GNAZ: variants seen among roughly 807,000 people sequenced by gnomAD.
GNAZ encodes the protein G protein subunit alpha z.
Under a neutral mutation model 25.4 loss-of-function variants are expected in GNAZ, and 3 were observed. The observed-to-expected ratio is 0.12, with a 90% CI of 0.05 to 0.30. The LOEUF is 0.30. GNAZ is among the 10% of genes least tolerant of loss of function. GNAZ has a pLI of 1.00. For synonymous variants in GNAZ, 211 were observed against 205.7 expected (o/e 1.03, Z -0.22); for missense variants, 241 against 501.8 (o/e 0.48, Z 4.97).
intron 2 of GNAZ, among the ~76,000 whole-genome samples, chr22:23,110,783 C>G (rs1051267755): frequency 4.6e-4 from 70 of 152,194 alleles, no homozygotes; most frequent in Admixed American, 3.3e-4. Context: ...GAGGAAGCAG[C>G]TGGCCTGGGA....
Position 23,123,353 on chromosome 22 carries a change from C to T in GNAZ, c.990C>T (p.Thr330=), listed in dbSNP as rs1021647434. 2 of 1,613,948 alleles carry T rather than the reference C, an allele frequency of 1.2e-6. No individual in the cohort carries two copies. Among genetic ancestry groups the T allele is most frequent in the Non-Finnish European group, 8.5e-7 (1 of 1,179,968 alleles). Residue 330 remains threonine (T), a synonymous_variant, in exon 3 of 3, where the codon ACC becomes ACT. Transcript: ENST00000615612. ...IYSHFTCATD[T]SNIQFVFDAV... The stretch of plus-strand genomic sequence containing the variant: ...CCCACTTCACCTGCGCCACCGACAC[C>T]AGTAACATCCAGTTTGTCTTCGACG...
chr22:23,092,282 A>ACTGT (rs2069001544), intron 1 of GNAZ, among the ~76,000 whole-genome samples: 1 of 152,160 alleles, frequency 6.6e-6, no homozygotes, highest in Non-Finnish European at 1.5e-5. Flanking sequence ...AATAGGTGGG[A>ACTGT]CTGTCATAAG....
Position 23,123,658 on chromosome 22 carries a change from TG to T in GNAZ, c.*229del. 1.8e-6 allele frequency: 1 copy of T among 561,036 alleles called. No individual in the cohort carries two copies. 34.8% of individuals were successfully genotyped at this position (561,036 alleles called of 1,614,324 possible). Reference sequence around the variant, plus strand: ...ACATGCACACACACACATCTGGAGATGGCAAAATCCTCTAAAATGTCGAGGT... The same window carrying T: ...ACATGCACACACACACATCTGGAGATGCAAAATCCTCTAAAATGTCGAGGT... On this transcript the variant is annotated 3_prime_UTR_variant, in exon 3 of 3. Transcript: ENST00000615612.
intron 1 of GNAZ, among the ~76,000 whole-genome samples, chr22:23,077,114 G>A (rs770181428): frequency 9.9e-5 from 15 of 152,154 alleles, no homozygotes; most frequent in African/African-American, 2.7e-4. Flanking sequence ...CAGCGGGCAC[G>A]GGAGGCAGGA....
At chr22:23,102,609 A>C (rs885962) in intron 2 of GNAZ, among the ~76,000 whole-genome samples, 37,035 of 152,154 alleles carry the variant, frequency 0.24, 4,777 homozygotes, top group East Asian at 0.35. Context: ...GGCTGCCCCC[A>C]CACCTGCTCT....
chr22:23,072,757 G>C (rs997076668), intron 1 of GNAZ, among the ~76,000 whole-genome samples: 1 of 152,222 alleles, frequency 6.6e-6, no homozygotes, highest in Non-Finnish European at 1.5e-5. Context: ...TTGGGACACA[G>C]GGAATGGATT....
chr22:23,122,351 T>C (rs2070055445), intron 2 of GNAZ: 1 of 152,498 alleles, frequency 6.6e-6, no homozygotes, highest in Non-Finnish European at 1.5e-5. Context: ...CACACTCCTG[T>C]CCTCTGCATG....
At chr22:23,077,993 T>C (rs2068553201) in intron 1 of GNAZ, among the ~76,000 whole-genome samples, 1 of 152,186 alleles carries the variant, frequency 6.6e-6, no homozygotes, top group Non-Finnish European at 1.5e-5. Context: ...CTGCATGGCA[T>C]GTCCCTCTGG....
At chr22:23,091,061 T>A (rs1010187703) in intron 1 of GNAZ, among the ~76,000 whole-genome samples, 4 of 152,186 alleles carry the variant, frequency 2.6e-5, no homozygotes, top group Non-Finnish European at 5.9e-5. Context: ...GGATGCCACA[T>A]GCAACCACAT....
In GNAZ at chr22:23,123,711, A is replaced by G. The variant is rs1222483235; in HGVS notation, c.*280A>G. On this transcript the variant is annotated 3_prime_UTR_variant, in exon 3 of 3. Coordinates refer to ENST00000615612, the MANE Select transcript of GNAZ (RefSeq NM_002073.4). The stretch of plus-strand genomic sequence containing the variant: ...TCTTGAAGACTTGAGAAGCTGTCAC[A>G]AGGTCACTACAAGCCCAACCTGCCC... 6.5e-6 allele frequency: 3 copies of G among 460,224 alleles called. No individual in the cohort carries two copies. The highest frequency in any genetic ancestry group is 1.2e-5 in the Non-Finnish European group (3 of 253,246). The allele number at this position is 460,224 out of a possible 1,614,324, so 28.5% of individuals were successfully genotyped here. A position where few individuals can be genotyped will look rare whatever the true frequency, so the allele number is the denominator to read the frequency against.
rs532956455 is a variant in GNAZ, at chr22:23,105,148, C to T, written c.723+8730C>T. ...GGCCTTGTATCCTAAGGTTCCCAGCCCAGGCCGGCCACGGCCACAGCCCCA... is the reference window on the plus strand; with the variant it reads ...GGCCTTGTATCCTAAGGTTCCCAGCTCAGGCCGGCCACGGCCACAGCCCCA... On this transcript the variant is annotated intron_variant, in intron 2 of 2. Coordinates refer to ENST00000615612, the MANE Select transcript of GNAZ (RefSeq NM_002073.4). Among the ~76,000 whole-genome samples the T allele has an allele frequency of 3.3e-5, 5 of 152,270 alleles. No homozygotes were observed. The South Asian group carries it at 1.0e-3, about 32-fold the overall frequency.
chr22:23,106,792 A>G (rs2069493460), intron 2 of GNAZ, among the ~76,000 whole-genome samples: 1 of 152,218 alleles, frequency 6.6e-6, no homozygotes, highest in Admixed American at 6.5e-5. Context: ...CAGATGAGGA[A>G]ACTCGGGTTT....
At chr22:23,118,539 G>C (rs75093206) in intron 2 of GNAZ, among the ~76,000 whole-genome samples, 3,741 of 147,504 alleles carry the variant, frequency 0.025, 153 homozygotes, top group African/African-American at 0.088. Flanking sequence ...CTTCTTGCCA[G>C]AACAGGACAC....
At chr22:23,120,115 CCTCCAG>C in intron 2 of GNAZ, among the ~76,000 whole-genome samples, 1 of 152,194 alleles carries the variant, frequency 6.6e-6, no homozygotes, top group Non-Finnish European at 1.5e-5. Context: ...ACCGTGCCCA[CCTCCAG>C]CTGCCTTGTG....
intron 2 of GNAZ, among the ~76,000 whole-genome samples, chr22:23,100,459 C>T (rs1043568457): frequency 5.9e-5 from 9 of 152,172 alleles, no homozygotes; most frequent in Non-Finnish European, 8.8e-5. Context: ...ATCCAGGGGA[C>T]GGGGGACATA....
In GNAZ at chr22:23,123,255, G is replaced by A. The variant is rs749377481; in HGVS notation, c.892G>A (p.Glu298Lys). The A allele has an allele frequency of 5.6e-6, 9 of 1,614,110 alleles. No homozygotes were observed. The highest frequency in any genetic ancestry group is 3.3e-5 in the Admixed American group (2 of 60,012). The change falls in exon 3 of 3, where the codon GAG becomes AAG. Residue 298 changes from glutamate (E) to lysine (K), a missense_variant. By Grantham distance (56) the Glu-to-Lys change is moderately conservative. Coordinates refer to ENST00000615612, the MANE Select transcript of GNAZ (RefSeq NM_002073.4). ...CGAGTACAAGGGCCAGAACACGTAC[G>A]AGGAGGCCGCTGTCTACATCCAGCG... The part of the protein sequence containing the change: ...FPEYKGQNTY[E>K]EAAVYIQRQF...
intron 2 of GNAZ, among the ~76,000 whole-genome samples, chr22:23,112,262 C>G (rs2069677811): frequency 6.6e-6 from 1 of 152,248 alleles, no homozygotes; most frequent in Admixed American, 6.5e-5. Flanking sequence ...GCCCCAGGCC[C>G]TGCCTGGGGG....
intron 2 of GNAZ, among the ~76,000 whole-genome samples, chr22:23,117,268 G>A (rs148483938): frequency 1.5e-3 from 232 of 152,296 alleles, no homozygotes; most frequent in African/African-American, 5.2e-3. Flanking sequence ...CAGAGGTGCC[G>A]ACACGGTATG....
rs75538725 is a variant in GNAZ, at chr22:23,114,266, C to T, written c.724-8821C>T. Among the ~76,000 whole-genome samples, 897 of 152,326 alleles carry T rather than the reference C, an allele frequency of 5.9e-3. 12 individuals are homozygous for T. The highest frequency in any genetic ancestry group is 0.021 in the Middle Eastern group (6 of 292). On this transcript the variant is annotated intron_variant, in intron 2 of 2. Coordinates refer to ENST00000615612, the MANE Select transcript of GNAZ (RefSeq NM_002073.4). The stretch of plus-strand genomic sequence containing the variant: ...TCTCGGCGTGAAAAAGCTGAATTCA[C>T]GGTTCGGATGAACACTCCCAGCTTT...
Sources: gnomAD v4.1 joint callset for allele counts (sites outside exome capture counted in the v4.1 genomes callset) on GRCh38, gnomAD v4.1.1 for gene constraint, MANE v1.5 for transcripts, NCBI Gene and HGNC (gene_info 2026-07-23, HGNC 2026-07-21) for gene names.